The following CCDC81 variants were observed in gnomAD, a reference collection of about 807,000 sequenced individuals.
CCDC81 encodes coiled-coil domain-containing protein 81.
Under a neutral mutation model 83.7 loss-of-function variants are expected in CCDC81, and 79 were observed. The observed-to-expected ratio is 0.94, with a 90% CI of 0.79 to 1.14. The LOEUF (loss-of-function observed/expected upper bound fraction) is 1.14. Ranked by LOEUF, CCDC81 falls within the 50% of genes most tolerant of loss-of-function variation. The pLI is 0.00. For missense variants in CCDC81, 791 were observed against 778.1 expected, an observed-to-expected ratio of 1.02 and a Z score of -0.20; for synonymous variants, 252 against 278.1, an observed-to-expected ratio of 0.91 and a Z score of 0.93.
intron 7 of CCDC81, among the ~76,000 whole-genome samples, chr11:86,404,320 T>C (rs1396793832): frequency 1.3e-5 from 2 of 152,226 alleles, no homozygotes; most frequent in Non-Finnish European, 2.9e-5. Flanking sequence ...TAGTCCACCA[T>C]ATATTTTTAT....
intron 11 of CCDC81, among the ~76,000 whole-genome samples, 156 bp downstream of exon 11, chr11:86,412,715 AG>A (rs1292988897): frequency 6.6e-6 from 1 of 152,216 alleles, no homozygotes. Flanking sequence ...AAATGGGAAA[AG>A]TTCCCTCGTC....
chr11:86,409,260 G>C lies in CCDC81; in HGVS notation c.1114-1G>C. 7.4e-7 allele frequency: 1 copy of C among 1,346,462 alleles called. No individual in the cohort carries two copies. The highest frequency in any genetic ancestry group is 9.9e-7 in the Non-Finnish European group (1 of 1,011,970). The allele number at this position is 1,346,462 out of a possible 1,614,324, so 83.4% of individuals were successfully genotyped here. Reference sequence around the variant, plus strand: ...AAACTTTTTTTTTTTTTAAACAATAGATGAAAAGTCTGGCTACTAGAGAAC... The same window carrying C: ...AAACTTTTTTTTTTTTTAAACAATACATGAAAAGTCTGGCTACTAGAGAAC... On this transcript the variant is annotated splice_acceptor_variant, in intron 9 of 14. Transcript: ENST00000445632. LOFTEE classifies it high-confidence loss of function.
At chr11:86,414,030 G>C (rs1948682230) in intron 11 of CCDC81, among the ~76,000 whole-genome samples, 1 of 152,178 alleles carries the variant, frequency 6.6e-6, no homozygotes, top group Non-Finnish European at 1.5e-5. Flanking sequence ...ATACTCACTT[G>C]AAAGATCATA....
intron 13 of CCDC81, 41 bp downstream of exon 13, chr11:86,415,354 C>T (rs750903648): frequency 1.3e-6 from 2 of 1,485,582 alleles, no homozygotes; most frequent in Non-Finnish European, 1.9e-6. Flanking sequence ...CTTCTCCTCA[C>T]TTATTCCGCT....
chr11:86,400,142 A>G (rs1462370266), intron 6 of CCDC81, among the ~76,000 whole-genome samples: 1 of 151,108 alleles, frequency 6.6e-6, no homozygotes, highest in Non-Finnish European at 1.5e-5. Flanking sequence ...AAAAAAAAAA[A>G]AAAAAAGAAA....
intron 1 of CCDC81, among the ~76,000 whole-genome samples, chr11:86,376,019 TA>T (rs1948094035): frequency 6.6e-6 from 1 of 152,250 alleles, no homozygotes; most frequent in Non-Finnish European, 1.5e-5. Flanking sequence ...GCATTGAAGA[TA>T]ATGGCTTAAT....
In CCDC81 at chr11:86,419,953, C is replaced by G. The variant is rs775139982; in HGVS notation, c.1717C>G (p.Leu573Val). The change falls in exon 14 of 15, where the codon CTG (leucine) becomes GTG (valine). Residue 573 changes from leucine to valine, a missense_variant. Transcript: ENST00000445632. ...GCACTTGGCAGACAGAACCGCTGAG[C>G]TGGAGCGAGTAAATAGAGTCAACCA... is the stretch of plus-strand genomic sequence containing the variant. The part of the protein sequence containing the change: ...REHLADRTAE[L>V]ERVNRVNQCL... 2.5e-6 allele frequency: 4 copies of G among 1,613,496 alleles called. No homozygotes were observed. The highest frequency in any genetic ancestry group is 3.4e-6 in the Non-Finnish European group (4 of 1,179,730).
chr11:86,414,298 C>T (rs1367381604), intron 11 of CCDC81: 1 of 153,702 alleles, frequency 6.5e-6, no homozygotes, highest in African/African-American at 2.4e-5. Flanking sequence ...ACATTGTTCA[C>T]TAGCGTATGG....
chr11:86,396,879 C>T (rs1009135182), intron 5 of CCDC81, among the ~76,000 whole-genome samples: 1 of 152,126 alleles, frequency 6.6e-6, no homozygotes, highest in African/African-American at 2.4e-5. Context: ...TTAGGCACTC[C>T]AGGAGGGAAA....
In CCDC81 at chr11:86,388,214, T is replaced by TTCCCTCCTTCCC. The variant is rs761009156; in HGVS notation, c.298+545_298+546insCTCCTTCCCTCC. On this transcript the variant is annotated intron_variant, in intron 3 of 14. Coordinates refer to ENST00000445632, the MANE Select transcript of CCDC81 (RefSeq NM_001156474.2). ...CTTTCCTCCTTCCCTCCTTCCCTCC[T>TTCCCTCCTTCCC]TCCTTCCTTCCTTCCTTCCTTCTTC... Among the ~76,000 whole-genome samples the TTCCCTCCTTCCC allele has an allele frequency of 8.0e-3, 1,166 of 145,202 alleles. 13 individuals carry two copies. Among genetic ancestry groups the TTCCCTCCTTCCC allele is most frequent in the African/African-American group, 0.028 (1,091 of 39,588 alleles).
intron 6 of CCDC81, among the ~76,000 whole-genome samples, chr11:86,399,579 G>A (rs1483452861): frequency 1.3e-5 from 2 of 151,974 alleles, no homozygotes; most frequent in Non-Finnish European, 2.9e-5. Flanking sequence ...GCCTCCCAAA[G>A]TGTTGGGATT....
In CCDC81 at chr11:86,409,331, T is replaced by C; in HGVS notation, c.1184T>C (p.Ile395Thr). ...AAYNLGVAEA[I>T]RNHKNEKPEF... ...TATAATCTTGGAGTTGCTGAAGCTA[T>C]AAGAAACCACAAGAATGAGAAACCG... Residue 395 changes from isoleucine to threonine, a missense_variant, in exon 10 of 15, where the codon ATA (isoleucine) becomes ACA (threonine). Ile to Thr is a moderately conservative substitution (Grantham distance 89, BLOSUM62 -1). Transcript: ENST00000445632. 1 of 1,539,866 alleles carries C rather than the reference T, an allele frequency of 6.5e-7. No individual in the cohort carries two copies. Among genetic ancestry groups the C allele is most frequent in the African/African-American group, 1.4e-5 (1 of 71,086 alleles).
intron 7 of CCDC81, among the ~76,000 whole-genome samples, chr11:86,403,419 C>T (rs1172133695): frequency 6.6e-6 from 1 of 151,732 alleles, no homozygotes; most frequent in Non-Finnish European, 1.5e-5. Flanking sequence ...TCTGATTTAC[C>T]AACCTGTCCA....
intron 3 of CCDC81, among the ~76,000 whole-genome samples, chr11:86,391,711 A>G (rs1281404016): frequency 6.6e-6 from 1 of 152,226 alleles, no homozygotes; most frequent in Non-Finnish European, 1.5e-5. Flanking sequence ...GGTATTTGTA[A>G]TCATGTAAAA....
chr11:86,409,404 C>T, intron 10 of CCDC81, 39 bp downstream of exon 10: 1 of 1,018,922 alleles, frequency 9.8e-7, no homozygotes, highest in Non-Finnish European at 1.5e-6. Flanking sequence ...ACACCTGGCC[C>T]ATCTGTGAGC....
At chr11:86,399,038 C>G (rs1948447495) in intron 6 of CCDC81, among the ~76,000 whole-genome samples, 1 of 152,128 alleles carries the variant, frequency 6.6e-6, no homozygotes, top group Non-Finnish European at 1.5e-5. Flanking sequence ...AAAGTGAGCA[C>G]AATCTTCTGA....
chr11:86,380,754 G>A (rs1948165839), intron 1 of CCDC81, among the ~76,000 whole-genome samples: 1 of 152,110 alleles, frequency 6.6e-6, no homozygotes, highest in African/African-American at 2.4e-5. Context: ...TTCTGTTACA[G>A]TGTTTTTAGT....
At chr11:86,385,115 T>C (rs1948223725) in intron 1 of CCDC81, among the ~76,000 whole-genome samples, 1 of 152,204 alleles carries the variant, frequency 6.6e-6, no homozygotes, top group Non-Finnish European at 1.5e-5. Flanking sequence ...AGGCTGGGCA[T>C]GGTGGCTCAT....
At chr11:86,395,703 C>T (rs1286280679) in intron 5 of CCDC81, among the ~76,000 whole-genome samples, 3 of 152,214 alleles carry the variant, frequency 2.0e-5, no homozygotes, top group Non-Finnish European at 4.4e-5. Flanking sequence ...TCACTGCAAC[C>T]TCGGTCTCCT....
Sources: gnomAD v4.1 joint callset for allele counts (sites outside exome capture counted in the v4.1 genomes callset) on GRCh38, gnomAD v4.1.1 for gene constraint, MANE v1.5 for transcripts, NCBI Gene and HGNC (gene_info 2026-07-23, HGNC 2026-07-21) for gene names.